The following SPRY3 variants were observed in gnomAD, a reference collection of about 807,000 sequenced individuals.
SPRY3 encodes sprouty RTK signaling antagonist 3.
A neutral mutation model predicts 20.2 loss-of-function variants in SPRY3; 15 were observed. The observed-to-expected ratio is 0.74, with a 90% CI of 0.50 to 1.14. SPRY3 has a LOEUF of 1.14. Among genes scored for constraint, SPRY3 ranks in the 50% most tolerant of loss-of-function variants. The pLI, the probability that SPRY3 is intolerant of heterozygous loss-of-function variation, is 0.00. For missense variants in SPRY3, 364 were observed against 363.9 expected, an observed-to-expected ratio of 1.00 and a Z score of 0.00; for synonymous variants, 143 against 136.5, an observed-to-expected ratio of 1.05 and a Z score of -0.33.
intron 2 of SPRY3, among the ~76,000 whole-genome samples, chrX:155,767,337 G>A (rs760324841): frequency 6.6e-6 from 1 of 151,884 alleles, no homozygotes; most frequent in Non-Finnish European, 1.5e-5. Flanking sequence ...TTCACAAAAC[G>A]GCCAGCTAGC....
At chrX:155,645,709 T>A (rs1027879948) in intron 1 of SPRY3, among the ~76,000 whole-genome samples, 1 of 112,255 alleles carries the variant, frequency 8.9e-6, no homozygotes, top group Non-Finnish European at 1.9e-5. Flanking sequence ...GGGGGAAGGG[T>A]GGTATCAGTG....
At chrX:155,704,189 C>T (rs756468259) in intron 2 of SPRY3, among the ~76,000 whole-genome samples, 49 of 151,674 alleles carry the variant, frequency 3.2e-4, no homozygotes, top group Admixed American at 7.3e-4. Flanking sequence ...AAATTAGATA[C>T]GACACAAATT....
chrX:155,626,767 G>A (rs1016024918), intron 1 of SPRY3, among the ~76,000 whole-genome samples: 1 of 110,629 alleles, frequency 9.0e-6, no homozygotes, highest in Non-Finnish European at 1.9e-5. Flanking sequence ...TTATACTGTC[G>A]GCATGTTTTC....
At chrX:155,632,984 A>C (rs782438294) in intron 1 of SPRY3, among the ~76,000 whole-genome samples, 1 of 111,369 alleles carries the variant, frequency 9.0e-6, no homozygotes, top group Non-Finnish European at 1.9e-5. Flanking sequence ...GCAGAGGCCA[A>C]CTGTCAGCCC....
chrX:155,738,068 G>A (rs2091180673), intron 2 of SPRY3, among the ~76,000 whole-genome samples: 1 of 152,064 alleles, frequency 6.6e-6, no homozygotes, highest in African/African-American at 2.4e-5. Flanking sequence ...GGATTTAAAT[G>A]TAAACTGTAA....
chrX:155,717,627 A>G (rs1250056296), intron 2 of SPRY3, among the ~76,000 whole-genome samples: 1 of 151,282 alleles, frequency 6.6e-6, no homozygotes, highest in Non-Finnish European at 1.5e-5. Flanking sequence ...TCATTGTTCA[A>G]CTCCCACTTT....
intron 1 of SPRY3, among the ~76,000 whole-genome samples, chrX:155,645,845 GT>G (rs1377915634): frequency 1.8e-5 from 2 of 111,813 alleles, no homozygotes; most frequent in African/African-American, 6.5e-5. Context: ...GCAGGTAATT[GT>G]TAAATTGGTG....
At chrX:155,774,505 T>C (rs1279607090) in exon 4 of SPRY3, 1 of 1,614,004 alleles carries the variant, frequency 6.2e-7, no homozygotes, top group Admixed American at 1.7e-5. Flanking sequence ...TGAGCCCTGC[T>C]CTTGTGGGCC....
At chrX:155,680,146 G>GC (rs2068069638) in intron 2 of SPRY3, among the ~76,000 whole-genome samples, 1 of 23,084 alleles carries the variant, frequency 4.3e-5, no homozygotes, top group East Asian at 9.4e-4. Flanking sequence ...AGCAATGCTG[G>GC]TGTGTGTGTG....
At chrX:155,694,478 G>A (rs1381887109) in intron 2 of SPRY3, among the ~76,000 whole-genome samples, 2 of 111,439 alleles carry the variant, frequency 1.8e-5, no homozygotes, top group Non-Finnish European at 1.9e-5. Flanking sequence ...TTGGCACCAG[G>A]CACCAGTTTC....
chrX:155,719,303 A>G (rs763633902), intron 2 of SPRY3, among the ~76,000 whole-genome samples: 1 of 152,266 alleles, frequency 6.6e-6, no homozygotes, highest in South Asian at 2.1e-4. Context: ...CACCAGCCCT[A>G]ATGGTCTAAA....
intron 2 of SPRY3, among the ~76,000 whole-genome samples, chrX:155,734,934 G>A (rs1432620987): frequency 6.6e-6 from 1 of 151,500 alleles, no homozygotes; most frequent in African/African-American, 2.4e-5. Context: ...GTTTCCTCAG[G>A]TAAAAGTTTA....
intron 1 of SPRY3, among the ~76,000 whole-genome samples, chrX:155,632,888 C>G (rs1378548485): frequency 9.0e-6 from 1 of 111,588 alleles, no homozygotes; most frequent in Admixed American, 9.5e-5. Context: ...TGATGGTTGT[C>G]TTACGTAGGC....
At chrX:155,633,580 G>A (rs1450086538) in intron 1 of SPRY3, among the ~76,000 whole-genome samples, 1 of 110,172 alleles carries the variant, frequency 9.1e-6, no homozygotes, top group Non-Finnish European at 1.9e-5. Context: ...ATCTTTTGGG[G>A]GATATTAGAC....
At chrX:155,739,008 A>C (rs2091187336) in intron 2 of SPRY3, among the ~76,000 whole-genome samples, 1 of 151,868 alleles carries the variant, frequency 6.6e-6, no homozygotes, top group African/African-American at 2.4e-5. Flanking sequence ...CAGGCTGGAG[A>C]TGGCCAGAGG....
chrX:155,736,029 C>A (rs2091166771), intron 2 of SPRY3, among the ~76,000 whole-genome samples: 1 of 151,778 alleles, frequency 6.6e-6, no homozygotes, highest in African/African-American at 2.4e-5. Flanking sequence ...GCATTTACAA[C>A]TAATCTAAAT....
rs376051291 is a variant in SPRY3 at position 155,728,474 on chromosome X, G to A, written c.-281-39488G>A. 2.6e-4 allele frequency among the ~76,000 whole-genome samples: 39 copies of A among 152,280 alleles called. No homozygotes were observed. The East Asian group carries it at 6.2e-3, about 24-fold the overall frequency. On this transcript the variant is annotated intron_variant, in intron 2 of 3. Coordinates refer to ENST00000675360, the Ensembl canonical transcript of SPRY3. ...AGCTACAGTGGGCTCTGCCCAGTTC[G>A]AACTTCCCAGTCGCTTTGTTTAACT...
At chrX:155,747,182 C>T (rs2091231636) in intron 2 of SPRY3, among the ~76,000 whole-genome samples, 1 of 151,912 alleles carries the variant, frequency 6.6e-6, no homozygotes, top group East Asian at 1.9e-4. Context: ...TTATAGAATT[C>T]TGCTTTGGAA....
chrX:155,650,867 C>A (rs904928906), intron 1 of SPRY3, among the ~76,000 whole-genome samples: 1 of 112,043 alleles, frequency 8.9e-6, no homozygotes, highest in Non-Finnish European at 1.9e-5. Context: ...TCTACAGTCA[C>A]TTAAGTACAG....
Sources: gnomAD v4.1 joint callset for allele counts (sites outside exome capture counted in the v4.1 genomes callset) on GRCh38, gnomAD v4.1.1 for gene constraint, MANE v1.5 for transcripts, NCBI Gene and HGNC (gene_info 2026-07-23, HGNC 2026-07-21) for gene names.